The following PARD3B variants were observed in gnomAD, a reference collection of about 807,000 sequenced individuals.
The protein encoded by PARD3B is par-3 family cell polarity regulator beta.
In PARD3B, 103 loss-of-function variants were observed where a neutral mutation model predicts 130.2. The ratio of observed to expected loss-of-function variants is 0.79; its 90% CI spans 0.67 to 0.93. PARD3B has a LOEUF of 0.93. PARD3B is among the 40% of genes least tolerant of loss of function. The probability of loss-of-function intolerance (pLI) is 0.00; values close to 1 mark genes in which losing one functional copy is unlikely to be tolerated. For missense variants in PARD3B, 1,609 were observed against 1,499.2 expected (o/e 1.07, Z -1.21); for synonymous variants, 583 against 553.2 (o/e 1.05, Z -0.76).
intron 15 of PARD3B, among the ~76,000 whole-genome samples, chr2:205,233,316 G>T (rs1398709978): frequency 2.0e-5 from 3 of 152,002 alleles, no homozygotes; most frequent in Admixed American, 1.3e-4. Context: ...AAATACAAAA[G>T]TTGAAAGAGT....
intron 2 of PARD3B, among the ~76,000 whole-genome samples, chr2:204,939,709 A>G (rs758204887): frequency 2.0e-5 from 3 of 152,214 alleles, no homozygotes; most frequent in Non-Finnish European, 4.4e-5. Context: ...TAAACACAGT[A>G]TTATCCATAT....
chr2:204,902,035 G>A (rs1384337666), intron 2 of PARD3B, among the ~76,000 whole-genome samples: 2 of 152,094 alleles, frequency 1.3e-5, no homozygotes, highest in Non-Finnish European at 2.9e-5. Context: ...GGAACCTCCC[G>A]GAGCTGCACT....
chr2:205,072,048 G>A (rs1231809125), intron 4 of PARD3B, among the ~76,000 whole-genome samples: 2 of 151,880 alleles, frequency 1.3e-5, no homozygotes, highest in Non-Finnish European at 2.9e-5. Context: ...AATATATGTA[G>A]TCTCACATAA....
chr2:204,618,527 T>C (rs533870381), intron 1 of PARD3B, among the ~76,000 whole-genome samples: 2 of 152,316 alleles, frequency 1.3e-5, no homozygotes, highest in South Asian at 2.1e-4. Flanking sequence ...ACAGTGACAG[T>C]GTCACCTGAA....
chr2:205,132,943 G>T (rs114091487), intron 10 of PARD3B, among the ~76,000 whole-genome samples: 1 of 151,966 alleles, frequency 6.6e-6, no homozygotes, highest in Non-Finnish European at 1.5e-5. Context: ...TGAAAGCTAC[G>T]CATTACTAAA....
Position 204,881,721 on chromosome 2 carries a change from G to A in PARD3B, c.223-83431G>A, listed in dbSNP as rs1187801426. On this transcript the variant is annotated intron_variant, in intron 2 of 22. Transcript: ENST00000406610. ...TGAAGGAAACTCTGAAGCTCTATGT[G>A]TCTTGGAGTAGTGGGAAAGGAGTAA... 1.3e-5 allele frequency among the ~76,000 whole-genome samples: 2 copies of A among 152,194 alleles called. 1 individual carries two copies. The highest frequency in any genetic ancestry group is 4.8e-5 in the African/African-American group (2 of 41,448).
chr2:205,205,091 T>A (rs2037209543), intron 15 of PARD3B, among the ~76,000 whole-genome samples: 1 of 152,170 alleles, frequency 6.6e-6, no homozygotes, highest in Non-Finnish European at 1.5e-5. Context: ...GCATGGAATG[T>A]TTTTCCATTT....
chr2:204,883,293 T>C (rs986653929), intron 2 of PARD3B, among the ~76,000 whole-genome samples: 3 of 150,540 alleles, frequency 2.0e-5, no homozygotes, highest in Admixed American at 1.3e-4. Flanking sequence ...TTCAAAGTAC[T>C]GTTGAGACCT....
intron 5 of PARD3B, among the ~76,000 whole-genome samples, chr2:205,107,830 G>C (rs533781686): frequency 6.6e-6 from 1 of 152,256 alleles, no homozygotes; most frequent in African/African-American, 2.4e-5. Flanking sequence ...ATCTTAAAAA[G>C]ACAATGAAGC....
At chr2:205,173,086 A>G (rs2035268686) in intron 12 of PARD3B, among the ~76,000 whole-genome samples, 2 of 152,278 alleles carry the variant, frequency 1.3e-5, no homozygotes, top group African/African-American at 4.8e-5. Context: ...GCTAAGAAGA[A>G]AAAGTTAATA....
In PARD3B at chr2:205,257,076, T is replaced by A. The variant is rs146402913; in HGVS notation, c.2185+11254T>A. ...AAAGTCCTTTTTTAGAGGCCCATGATGCCCAACTGTATCCAATAAAAACAG... is the reference window on the plus strand; with the variant it reads ...AAAGTCCTTTTTTAGAGGCCCATGAAGCCCAACTGTATCCAATAAAAACAG... On this transcript the variant is annotated intron_variant, in intron 16 of 22. Transcript: ENST00000406610. Among the ~76,000 whole-genome samples the A allele has an allele frequency of 2.8e-3, 421 of 152,240 alleles. 2 individuals carry two copies. Among genetic ancestry groups the A allele is most frequent in the African/African-American group, 9.7e-3 (404 of 41,538 alleles).
intron 2 of PARD3B, among the ~76,000 whole-genome samples, chr2:204,924,030 C>T (rs1330550650): frequency 6.6e-6 from 1 of 151,984 alleles, no homozygotes; most frequent in East Asian, 1.9e-4. Flanking sequence ...TTATTAAACT[C>T]AGATTCTGTA....
intron 18 of PARD3B, among the ~76,000 whole-genome samples, chr2:205,382,305 T>C (rs2045482057): frequency 6.6e-6 from 1 of 152,090 alleles, no homozygotes; most frequent in Admixed American, 6.6e-5. Context: ...TGTCACTCAA[T>C]TTGGGTTTTT....
At position 205,288,010 on chromosome 2, in the gene PARD3B, C is replaced by A. The variant is rs981933938; in HGVS notation, c.2186-12520C>A. ...TCACAACAACATTAAGTGGTACTTC[C>A]TTTCCATATTTGCCACCTCATTTAT... is the stretch of plus-strand genomic sequence containing the variant. On this transcript the variant is annotated intron_variant, in intron 16 of 22. Transcript: ENST00000406610. This position sits in a 1 kb window ranked among gnomAD's most constrained non-coding sequence, Gnocchi z 4.0. 6.6e-6 allele frequency among the ~76,000 whole-genome samples: 1 copy of A among 152,176 alleles called. No homozygotes were observed. The highest frequency in any genetic ancestry group is 1.5e-5 in the Non-Finnish European group (1 of 68,036).
chr2:205,301,355 C>T lies in PARD3B; in HGVS notation c.2393-109C>T. On this transcript the variant is annotated intron_variant, in intron 17 of 22. Transcript: ENST00000406610. This position sits in a 1 kb window ranked among gnomAD's most constrained non-coding sequence, Gnocchi z 5.2. ...CACGTAACCACATAGAAGGGTAGAA[C>T]TACAGAGTGCTGTTATTCATTCTTT... 1 of 1,507,494 alleles carries T rather than the reference C, an allele frequency of 6.6e-7. No homozygotes were observed. The highest frequency in any genetic ancestry group is 2.3e-5 in the Admixed American group (1 of 43,982). The allele number at this position is 1,507,494 out of a possible 1,614,324, so 93.4% of individuals were successfully genotyped here.
intron 1 of PARD3B, among the ~76,000 whole-genome samples, chr2:204,665,105 T>C (rs905585109): frequency 3.3e-5 from 5 of 151,574 alleles, no homozygotes; most frequent in African/African-American, 1.2e-4. Context: ...GATTTTCTTG[T>C]TTTTGTTTTT....
At position 204,887,404 on chromosome 2, in the gene PARD3B, G is replaced by A. The variant is rs1476045566; in HGVS notation, c.223-77748G>A. Among the ~76,000 whole-genome samples, 1 of 152,166 alleles carries A rather than the reference G, an allele frequency of 6.6e-6. No homozygotes were observed. The highest frequency in any genetic ancestry group is 1.5e-5 in the Non-Finnish European group (1 of 68,028). On this transcript the variant is annotated intron_variant, in intron 2 of 22. Transcript: ENST00000406610. The surrounding 1 kb of genome is among the most constrained non-coding windows in gnomAD (Gnocchi z 4.2). The stretch of plus-strand genomic sequence containing the variant: ...CCATTACTTGGTTGTGATTTACACA[G>A]GGAAATGGTGATAGCTGTTCATCCA...
intron 18 of PARD3B, among the ~76,000 whole-genome samples, chr2:205,329,467 TA>T (rs1262114153): frequency 6.6e-6 from 1 of 152,156 alleles, no homozygotes; most frequent in Non-Finnish European, 1.5e-5. Context: ...GACTTTCAAA[TA>T]AGATAAAATA....
rs550263116 is a variant in PARD3B at position 204,890,804 on chromosome 2, A to G, written c.223-74348A>G. ...TCACTCATTTTTATTAAGTGATAGC[A>G]CGTTTCACTGCAGCTACTACAGCAT... is the stretch of plus-strand genomic sequence containing the variant. On this transcript the variant is annotated intron_variant, in intron 2 of 22. Transcript: ENST00000406610. The surrounding 1 kb of genome is among the most constrained non-coding windows in gnomAD (Gnocchi z 4.9). Among the ~76,000 whole-genome samples, 124 of 152,344 alleles carry G rather than the reference A, an allele frequency of 8.1e-4. No individual in the cohort carries two copies. Among genetic ancestry groups the G allele is most frequent in the African/African-American group, 2.7e-3 (112 of 41,574 alleles).
Sources: gnomAD v4.1 joint callset for allele counts (sites outside exome capture counted in the v4.1 genomes callset) on GRCh38, gnomAD v4.1.1 for gene constraint, Gnocchi (gnomAD v3.1) non-coding constraint, MANE v1.5 for transcripts, NCBI Gene and HGNC (gene_info 2026-07-23, HGNC 2026-07-21) for gene names.